GRM3: variants seen among roughly 807,000 people sequenced by gnomAD.
GRM3 encodes the protein metabotropic glutamate receptor 3.
GRM3 carries 26 observed loss-of-function variants against 70.5 expected under a neutral mutation model. The observed-to-expected ratio is 0.37, with a 90% CI of 0.27 to 0.51. GRM3 has a LOEUF of 0.51. Ranked by LOEUF, GRM3 falls within the 20% of genes least tolerant of loss-of-function variation. The pLI, the probability that GRM3 is intolerant of heterozygous loss-of-function variation, is 0.93. For synonymous variants in GRM3, 443 were observed against 434.9 expected, an observed-to-expected ratio of 1.02 and a Z score of -0.23; for missense variants, 859 against 1,123.8, an observed-to-expected ratio of 0.76 and a Z score of 3.37.
At chr7:86,808,223 T>C (rs1372349135) in intron 3 of GRM3, among the ~76,000 whole-genome samples, 2 of 152,178 alleles carry the variant, frequency 1.3e-5, no homozygotes, top group African/African-American at 4.8e-5. Context: ...TTGCTGTGTC[T>C]CTGCCAGGCA....
At chr7:86,820,464 C>T (rs1798097749) in intron 3 of GRM3, among the ~76,000 whole-genome samples, 1 of 152,100 alleles carries the variant, frequency 6.6e-6, no homozygotes, top group South Asian at 2.1e-4. Flanking sequence ...GCAGGTAGTA[C>T]ATATTGAGTA....
At chr7:86,825,717 G>T (rs569937116) in intron 3 of GRM3, among the ~76,000 whole-genome samples, 1 of 152,288 alleles carries the variant, frequency 6.6e-6, no homozygotes, top group Admixed American at 6.5e-5. Flanking sequence ...TTCCTGTTCT[G>T]CTTCTTTATA....
At chr7:86,805,365 T>C (rs1204068212) in intron 3 of GRM3, among the ~76,000 whole-genome samples, 2 of 152,146 alleles carry the variant, frequency 1.3e-5, no homozygotes, top group Non-Finnish European at 2.9e-5. Flanking sequence ...TGACCACATA[T>C]ACACAACCTT....
At chr7:86,695,065 C>T (rs1028972688) in intron 1 of GRM3, among the ~76,000 whole-genome samples, 4 of 152,118 alleles carry the variant, frequency 2.6e-5, no homozygotes, top group African/African-American at 4.8e-5. Flanking sequence ...TTGCTTGATT[C>T]CTGGACAAAT....
At chr7:86,827,724 G>A (rs1425173378) in intron 3 of GRM3, among the ~76,000 whole-genome samples, 4 of 152,072 alleles carry the variant, frequency 2.6e-5, no homozygotes, top group Non-Finnish European at 5.9e-5. Flanking sequence ...ATGTTGGCCA[G>A]GCTGGTCTCA....
chr7:86,730,624 A>G (rs1795710829), intron 1 of GRM3, among the ~76,000 whole-genome samples: 1 of 152,224 alleles, frequency 6.6e-6, no homozygotes, highest in Non-Finnish European at 1.5e-5. Flanking sequence ...AACTTCCAAA[A>G]TAATTACGTA....
intron 1 of GRM3, among the ~76,000 whole-genome samples, chr7:86,676,029 G>A (rs1468437950): frequency 6.6e-6 from 1 of 151,724 alleles, no homozygotes; most frequent in Non-Finnish European, 1.5e-5. Flanking sequence ...AGAAGGAAAT[G>A]ATTGTATTCG....
chr7:86,821,372 GTCAC>G lies in GRM3; in HGVS notation c.1325-17455_1325-17452del, dbSNP rs578142571. Among the ~76,000 whole-genome samples the G allele has an allele frequency of 3.8e-4, 58 of 152,240 alleles. 1 individual carries two copies. Among genetic ancestry groups the G allele is most frequent in the African/African-American group, 1.4e-3 (57 of 41,542 alleles). ...GTGGTTACACAGTGGTGGAAACAGA[GTCAC>G]TCACTCACTCATTTATTAACTCTTT... On this transcript the variant is annotated intron_variant, in intron 3 of 5. Transcript: ENST00000361669.
chr7:86,860,057 G>A (rs995403186), intron 5 of GRM3, among the ~76,000 whole-genome samples: 1 of 152,062 alleles, frequency 6.6e-6, no homozygotes, highest in African/African-American at 2.4e-5. Flanking sequence ...GTATCCAATA[G>A]TTACTATTTA....
At chr7:86,774,393 T>C (rs1234439499) in intron 2 of GRM3, among the ~76,000 whole-genome samples, 2 of 152,038 alleles carry the variant, frequency 1.3e-5, no homozygotes, top group East Asian at 1.9e-4. Flanking sequence ...CAAACGATCC[T>C]CCAGGAGGTT....
intron 1 of GRM3, among the ~76,000 whole-genome samples, chr7:86,659,780 G>A (rs541555139): frequency 1.3e-5 from 2 of 152,062 alleles, no homozygotes; most frequent in Non-Finnish European, 1.5e-5. Flanking sequence ...CAGCTGTCAT[G>A]ATAATAATTA....
At chr7:86,725,689 C>A (rs569729592) in intron 1 of GRM3, among the ~76,000 whole-genome samples, 34 of 152,228 alleles carry the variant, frequency 2.2e-4, no homozygotes, top group African/African-American at 8.2e-4. Flanking sequence ...GGATGGAAAA[C>A]TTTCTCTTAG....
chr7:86,688,049 G>T (rs1794606428), intron 1 of GRM3, among the ~76,000 whole-genome samples: 1 of 151,456 alleles, frequency 6.6e-6, no homozygotes, highest in Admixed American at 6.6e-5. Flanking sequence ...TAAAGTAAAT[G>T]GAGTCAACTC....
intron 1 of GRM3, among the ~76,000 whole-genome samples, chr7:86,750,396 A>C (rs1350925384): frequency 6.6e-6 from 1 of 152,112 alleles, no homozygotes; most frequent in African/African-American, 2.4e-5. Context: ...CAACTTGGAC[A>C]AATCAAATGA....
chr7:86,839,918 T>G lies in GRM3; in HGVS notation c.2391+13T>G, dbSNP rs1412157759. ...AAGTGACTACAGAGTAAGTCTTTGA[T>G]TGTTTCTTATTTTTCTTGTTCTTTC... On this transcript the variant is annotated intron_variant, in intron 4 of 5. Coordinates refer to ENST00000361669, the MANE Select transcript of GRM3 (RefSeq NM_000840.3). This position sits in a 1 kb window ranked among gnomAD's most constrained non-coding sequence, Gnocchi z 4.5. 1.4e-6 allele frequency: 2 copies of G among 1,411,008 alleles called. No homozygotes were observed. Among genetic ancestry groups the G allele is most frequent in the African/African-American group, 2.8e-5 (2 of 70,914 alleles). 87.4% of individuals were successfully genotyped at this position (1,411,008 alleles called of 1,614,324 possible).
chr7:86,723,468 T>C (rs1795521485), intron 1 of GRM3, among the ~76,000 whole-genome samples: 2 of 152,242 alleles, frequency 1.3e-5, no homozygotes, highest in South Asian at 4.1e-4. Context: ...TGAGCTAAAC[T>C]TAAAAAGAAT....
intron 3 of GRM3, among the ~76,000 whole-genome samples, chr7:86,835,636 G>A (rs1049263875): frequency 5.9e-5 from 9 of 152,008 alleles, no homozygotes; most frequent in Non-Finnish European, 1.0e-4. Context: ...TTTGAGATGG[G>A]ATCTCACTCT....
chr7:86,800,694 G>T (rs1797661577), intron 3 of GRM3, among the ~76,000 whole-genome samples: 1 of 152,170 alleles, frequency 6.6e-6, no homozygotes, highest in African/African-American at 2.4e-5. Flanking sequence ...ATTTACAGGT[G>T]AATTCTACCA....
intron 1 of GRM3, among the ~76,000 whole-genome samples, chr7:86,728,616 C>G (rs924502813): frequency 1.3e-5 from 2 of 152,184 alleles, no homozygotes; most frequent in South Asian, 2.1e-4. Flanking sequence ...TTCACCTCAT[C>G]ATCTTCCCTC....
Sources: gnomAD v4.1 joint callset for allele counts (sites outside exome capture counted in the v4.1 genomes callset) on GRCh38, gnomAD v4.1.1 for gene constraint, Gnocchi (gnomAD v3.1) non-coding constraint, MANE v1.5 for transcripts, NCBI Gene and HGNC (gene_info 2026-07-23, HGNC 2026-07-21) for gene names.